KIT: variants seen among roughly 807,000 people sequenced by gnomAD.
KIT encodes mast/stem cell growth factor receptor Kit.
In KIT, 16 loss-of-function variants were observed where a neutral mutation model predicts 105.7. The ratio of observed to expected loss-of-function variants is 0.15; its 90% CI spans 0.10 to 0.23. The LOEUF (loss-of-function observed/expected upper bound fraction) is 0.23. KIT is among the 10% of genes least tolerant of loss of function. The pLI is 1.00. For synonymous variants in KIT, 438 were observed against 441.1 expected (o/e 0.99, Z 0.09); for missense variants, 858 against 1,213.8 (o/e 0.71, Z 4.36).
Position 54,740,704 on chromosome 4 carries a change from T to TA in KIT, c.*2148dup, listed in dbSNP as rs1657819798. ...CTGAAGAATTCTAATAAAATGTACA[T>TA]ATATAAATCAAGTGGAGTCATTTGA... On this transcript the variant is annotated 3_prime_UTR_variant, in exon 21 of 21. Transcript: ENST00000288135. 4.4e-6 allele frequency: 1 copy of TA among 229,668 alleles called. No homozygotes were observed. The highest frequency in any genetic ancestry group is 1.8e-4 in the South Asian group (1 of 5,492). 14.2% of individuals were successfully genotyped at this position (229,668 alleles called of 1,614,324 possible).
intron 1 of KIT, among the ~76,000 whole-genome samples, chr4:54,680,667 A>G (rs989737237): frequency 1.3e-5 from 2 of 152,216 alleles, no homozygotes; most frequent in African/African-American, 4.8e-5. Flanking sequence ...TGCTGGGATT[A>G]CAGGTATGAG....
At chr4:54,730,843 C>T (rs1012874431) in intron 14 of KIT, among the ~76,000 whole-genome samples, 1 of 152,102 alleles carries the variant, frequency 6.6e-6, no homozygotes, top group African/African-American at 2.4e-5. Flanking sequence ...AGAAAATCAT[C>T]CAAATTATTG....
chr4:54,714,225 G>A (rs1162052698), intron 7 of KIT, among the ~76,000 whole-genome samples: 1 of 152,086 alleles, frequency 6.6e-6, no homozygotes, highest in Admixed American at 6.6e-5. Context: ...ACCTCAAAGT[G>A]CTTTCTTAAT....
At chr4:54,685,085 C>G (rs1719217143) in intron 1 of KIT, among the ~76,000 whole-genome samples, 1 of 152,156 alleles carries the variant, frequency 6.6e-6, no homozygotes, top group Non-Finnish European at 1.5e-5. Flanking sequence ...CTGGAATTTC[C>G]TGGTTCTCCT....
chr4:54,728,829 AT>A (rs1722402522), intron 13 of KIT, among the ~76,000 whole-genome samples: 1 of 152,108 alleles, frequency 6.6e-6, no homozygotes, highest in African/African-American at 2.4e-5. Context: ...GCACCAAAAA[AT>A]TTTTCAACTA....
intron 7 of KIT, among the ~76,000 whole-genome samples, chr4:54,717,186 T>C (rs1721558961): frequency 6.6e-6 from 1 of 151,964 alleles, no homozygotes; most frequent in Non-Finnish European, 1.5e-5. Context: ...ATGTTTAAAT[T>C]GGAAAAAAAA....
chr4:54,666,734 A>G (rs1043916984), intron 1 of KIT, among the ~76,000 whole-genome samples: 2 of 152,224 alleles, frequency 1.3e-5, no homozygotes, highest in Non-Finnish European at 2.9e-5. Flanking sequence ...ATGGCCCTTT[A>G]AGGGCCTGCC....
chr4:54,661,579 A>T (rs1009299818), intron 1 of KIT, among the ~76,000 whole-genome samples: 1 of 152,204 alleles, frequency 6.6e-6, no homozygotes, highest in Non-Finnish European at 1.5e-5. Context: ...GTAGTTTAAG[A>T]GTTGGCAGGC....
rs926364148 is a variant in KIT, at chr4:54,724,363, G to T, written c.1346+665G>T. On this transcript the variant is annotated intron_variant, in intron 8 of 20. Transcript: ENST00000288135. ...GGTTAACATCACAATTGAATAGTTAGTATGGTCGCAGAAATTTTATTTTTC... is the reference window on the plus strand; with the variant it reads ...GGTTAACATCACAATTGAATAGTTATTATGGTCGCAGAAATTTTATTTTTC... Among the ~76,000 whole-genome samples the T allele has an allele frequency of 2.6e-5, 4 of 152,180 alleles. No individual in the cohort carries two copies. The East Asian group carries it at 5.8e-4, about 22-fold the overall frequency.
Position 54,695,533 on chromosome 4 carries a change from G to T in KIT, c.89G>T (p.Ser30Ile), listed in dbSNP as rs926559231. The change falls in exon 2 of 21, where the codon AGT becomes ATT. Residue 30 changes from serine (S) to isoleucine (I), a missense_variant. Transcript: ENST00000288135. Reference protein sequence around the residue: ...VQTGSSQPSVSPGEPSPPSIH... With the variant: ...VQTGSSQPSVIPGEPSPPSIH... ...GCAGGCTCTTCTCAACCATCTGTGA[G>T]TCCAGGGGAACCGTCTCCACCATCC... The T allele has an allele frequency of 1.2e-6, 2 of 1,614,072 alleles. No homozygotes were observed. Among genetic ancestry groups the T allele is most frequent in the Non-Finnish European group, 1.7e-6 (2 of 1,180,038 alleles).
rs761803071 is a variant in KIT at position 54,727,940 on chromosome 4, A to G, written c.1879+13A>G. 4.3e-6 allele frequency: 7 copies of G among 1,612,634 alleles called. No individual in the cohort carries two copies. In the African/African-American group the frequency reaches 8.0e-5, roughly 18 times the overall value. ...AAGATGCTCAAGCGTAAGTTCCTGT[A>G]TGGTACTGCATGCGCTTGACATCAG... On this transcript the variant is annotated intron_variant, in intron 12 of 20. Coordinates refer to ENST00000288135, the MANE Select transcript of KIT (RefSeq NM_000222.3).
chr4:54,696,007 T>A (rs1483469051), intron 2 of KIT: 5 of 587,972 alleles, frequency 8.5e-6, no homozygotes, highest in Non-Finnish European at 1.5e-5. Context: ...ATACTCTTCC[T>A]AATGAGATTA....
intron 1 of KIT, among the ~76,000 whole-genome samples, chr4:54,690,878 T>C (rs1014845379): frequency 2.0e-5 from 3 of 152,224 alleles, no homozygotes; most frequent in African/African-American, 4.8e-5. Flanking sequence ...AAAAAGAGAA[T>C]AAACATTACA....
At chr4:54,701,767 A>G (rs986492264) in intron 4 of KIT, among the ~76,000 whole-genome samples, 2 of 152,190 alleles carry the variant, frequency 1.3e-5, no homozygotes, top group African/African-American at 4.8e-5. Context: ...TTATCTGTCC[A>G]TTGTCACTCT....
chr4:54,712,477 C>T (rs1560406426), intron 7 of KIT, among the ~76,000 whole-genome samples: 1 of 152,070 alleles, frequency 6.6e-6, no homozygotes, highest in Non-Finnish European at 1.5e-5. Flanking sequence ...GGCTTTAAGT[C>T]CAAAGGGGTG....
intron 1 of KIT, among the ~76,000 whole-genome samples, chr4:54,669,503 A>C (rs961772193): frequency 6.6e-6 from 1 of 152,250 alleles, no homozygotes; most frequent in Admixed American, 6.5e-5. Context: ...TTACAGCTTT[A>C]TTCTTCATTC....
In KIT at chr4:54,727,944, T is replaced by C. The variant is rs564289653; in HGVS notation, c.1879+17T>C. On this transcript the variant is annotated intron_variant, in intron 12 of 20. Coordinates refer to ENST00000288135, the MANE Select transcript of KIT (RefSeq NM_000222.3). The stretch of plus-strand genomic sequence containing the variant: ...TGCTCAAGCGTAAGTTCCTGTATGG[T>C]ACTGCATGCGCTTGACATCAGTTTG... 5.8e-5 allele frequency: 93 copies of C among 1,611,434 alleles called. No homozygotes were observed. The highest frequency in any genetic ancestry group is 7.7e-5 in the Non-Finnish European group (91 of 1,177,648).
intron 1 of KIT, among the ~76,000 whole-genome samples, chr4:54,688,577 T>C (rs1238829536): frequency 6.6e-6 from 1 of 152,210 alleles, no homozygotes; most frequent in Admixed American, 6.5e-5. Context: ...TTGTGAAGGA[T>C]AGAAAGACCT....
At chr4:54,678,342 TTCCTTCCTTCCCTCCCTCCCTCCC>T (rs1474267047) in intron 1 of KIT, among the ~76,000 whole-genome samples, 3 of 93,630 alleles carry the variant, frequency 3.2e-5, no homozygotes, top group African/African-American at 6.5e-5. Context: ...CCTTCCTTCC[TTCCTTCCTTCCCTCCCTCCCTCCC>T]TCCCTCCCTC....
Sources: gnomAD v4.1 joint callset for allele counts (sites outside exome capture counted in the v4.1 genomes callset) on GRCh38, gnomAD v4.1.1 for gene constraint, MANE v1.5 for transcripts, NCBI Gene and HGNC (gene_info 2026-07-23, HGNC 2026-07-21) for gene names.